CENPL: variants seen among roughly 807,000 people sequenced by gnomAD.
CENPL encodes the protein centromere protein L, also known as interphase centromere complex protein 33.
In CENPL, 20 loss-of-function variants were observed where a neutral mutation model predicts 35.2. The ratio of observed to expected loss-of-function variants is 0.57; its 90% confidence interval spans 0.40 to 0.83. The LOEUF (loss-of-function observed/expected upper bound fraction) is 0.83, where lower values mean the gene tolerates loss of function less well. Among genes scored for constraint, CENPL ranks in the 40% least tolerant of loss-of-function variants. CENPL has a pLI of 0.00. For missense variants in CENPL, 363 were observed against 395.8 expected, an observed-to-expected ratio of 0.92 and a Z score of 0.70; for synonymous variants, 140 against 140.6, an observed-to-expected ratio of 1.00 and a Z score of 0.03.
intron 2 of CENPL, chr1:173,822,250 A>G (rs1260563963): frequency 2.0e-5 from 3 of 152,142 alleles, no homozygotes; most frequent in Non-Finnish European, 4.4e-5. Context: ...CCATGGCCAA[A>G]TACTTTGTTC....
At chr1:173,817,832 G>T (rs1416104877) in intron 2 of CENPL, among the ~76,000 whole-genome samples, 1 of 152,104 alleles carries the variant, frequency 6.6e-6, no homozygotes, top group Non-Finnish European at 1.5e-5. Context: ...CCATAAAAAA[G>T]AATAAGTTCA....
At position 173,808,336 on chromosome 1, in the gene CENPL, G is replaced by T. The variant is rs543149791; in HGVS notation, c.169-818C>A. On this transcript the variant is annotated intron_variant, in intron 3 of 5. Transcript: ENST00000682279. ...GAGGCAGGAAAATTGCTTGAATCTG[G>T]AAGGCAGAGGTTGCAGTGAGCCGAG... Among the ~76,000 whole-genome samples the T allele has an allele frequency of 1.8e-3, 279 of 152,044 alleles. 3 individuals carry two copies. The highest frequency in any genetic ancestry group is 6.4e-3 in the African/African-American group (265 of 41,484).
intron 5 of CENPL, among the ~76,000 whole-genome samples, chr1:173,802,665 T>A (rs1397237494): frequency 6.6e-6 from 1 of 152,252 alleles, no homozygotes; most frequent in African/African-American, 2.4e-5. Context: ...TCTCTATTAC[T>A]CTGATAATTA....
chr1:173,816,471 G>C (rs968665366), intron 2 of CENPL, among the ~76,000 whole-genome samples: 13 of 152,128 alleles, frequency 8.5e-5, no homozygotes, highest in African/African-American at 2.7e-4. Flanking sequence ...GCATGGTACT[G>C]GTACCAAAAC....
At chr1:173,803,551 C>T in intron 4 of CENPL, 46 bp from the exon 5 acceptor site, 1 of 1,475,408 alleles carries the variant, frequency 6.8e-7, no homozygotes, top group Non-Finnish European at 9.1e-7. Context: ...AGTACATTTA[C>T]TTCTAAATTC....
Position 173,808,252 on chromosome 1 carries a change from A to C in CENPL, c.169-734T>G, listed in dbSNP as rs565529847. On this transcript the variant is annotated intron_variant, in intron 3 of 5. Transcript: ENST00000682279. The stretch of plus-strand genomic sequence containing the variant: ...AAAACCCCATCTCTACTAAAAATAC[A>C]AAAATAAATAAGCCAGGCATGGTGG... 4.6e-3 allele frequency among the ~76,000 whole-genome samples: 694 copies of C among 152,164 alleles called. 6 individuals are homozygous for C. The highest frequency in any genetic ancestry group is 0.014 in the African/African-American group (575 of 41,502).
chr1:173,809,319 G>A (rs573105909), intron 3 of CENPL, among the ~76,000 whole-genome samples: 1 of 151,894 alleles, frequency 6.6e-6, no homozygotes, highest in African/African-American at 2.4e-5. Flanking sequence ...CTCCAGCCTG[G>A]GTGATAGAGC....
chr1:173,802,855 T>G (rs1444454652), intron 5 of CENPL, 108 bp downstream of exon 5: 5 of 736,476 alleles, frequency 6.8e-6, no homozygotes, highest in Non-Finnish European at 8.9e-6. Context: ...TCTATTGTCT[T>G]GAATACATTC....
At chr1:173,805,992 A>G (rs1650190737) in intron 4 of CENPL, among the ~76,000 whole-genome samples, 1 of 152,216 alleles carries the variant, frequency 6.6e-6, no homozygotes, top group South Asian at 2.1e-4. Flanking sequence ...GCCAGTTAGT[A>G]AGCATTTCAG....
chr1:173,813,698 T>C (rs1651066368), intron 2 of CENPL, among the ~76,000 whole-genome samples: 1 of 151,932 alleles, frequency 6.6e-6, no homozygotes, highest in Non-Finnish European at 1.5e-5. Context: ...AAAGGAACAA[T>C]CAGTACCAGC....
intron 2 of CENPL, among the ~76,000 whole-genome samples, chr1:173,819,721 A>C (rs1651761789): frequency 6.6e-6 from 1 of 151,978 alleles, no homozygotes; most frequent in African/African-American, 2.4e-5. Flanking sequence ...ATGGAGTCTC[A>C]CTGTTGTTGG....
Position 173,807,428 on chromosome 1 carries a change from T to C in CENPL, c.259A>G (p.Asn87Asp), listed in dbSNP as rs1438873745. Residue 87 changes from asparagine to aspartate, a missense_variant, in exon 4 of 6, where the codon AAT becomes GAT. Coordinates refer to ENST00000682279, the MANE Select transcript of CENPL (RefSeq NM_001387287.1). ...AGAAGTCTAGAATACTCTTTGAGAT[T>C]ACTATAGGAGAATTTATATAAGGGA... ...LTPLYKFSYS[N>D]LKEYSRLLNA... 1.9e-6 allele frequency: 3 copies of C among 1,611,780 alleles called. No homozygotes were observed. Among genetic ancestry groups the C allele is most frequent in the Non-Finnish European group, 1.7e-6 (2 of 1,178,334 alleles).
chr1:173,820,421 C>A (rs887015027), intron 2 of CENPL, among the ~76,000 whole-genome samples: 3 of 151,808 alleles, frequency 2.0e-5, no homozygotes, highest in African/African-American at 4.8e-5. Context: ...GAGGCTGAGG[C>A]AGGAGGAGTG....
At chr1:173,803,568 C>A in intron 4 of CENPL, 63 bp from the exon 5 acceptor site, 1 of 1,425,720 alleles carries the variant, frequency 7.0e-7, no homozygotes, top group Non-Finnish European at 9.4e-7. Context: ...ATTCCATCTT[C>A]TCAAAATTAG....
At chr1:173,823,312 C>T (rs1291800273) in intron 2 of CENPL, 1 of 152,000 alleles carries the variant, frequency 6.6e-6, no homozygotes, top group Admixed American at 6.6e-5. Context: ...TCATTTTCTA[C>T]TACTTCAGTT....
intron 4 of CENPL, 117 bp from the exon 5 acceptor site, chr1:173,803,622 A>G: frequency 1.1e-6 from 1 of 914,800 alleles, no homozygotes. Context: ...TGCAAAAAAA[A>G]ACATAGAGGG....
At chr1:173,802,582 A>G (rs1460560888) in intron 5 of CENPL, among the ~76,000 whole-genome samples, 4 of 152,242 alleles carry the variant, frequency 2.6e-5, no homozygotes, top group Admixed American at 6.5e-5. Context: ...CCCAATGAGG[A>G]CAGAAAAGCC....
chr1:173,811,229 G>A lies in CENPL; in HGVS notation c.71C>T (p.Ala24Val), dbSNP rs1650790318. ...TTCTAATCGTTTCTGCAGAGGAGTG[G>A]CACCTATAAAGTAATCTTCAGGTCT... is the stretch of plus-strand genomic sequence containing the variant. ...SSRPEDYFIG[A>V]TPLQKRLESV... The change falls in exon 3 of 6, where the codon GCC (alanine) becomes GTC (valine). Residue 24 changes from alanine to valine, a missense_variant. By Grantham distance (64) the Ala-to-Val change is moderately conservative. Transcript: ENST00000682279. 2 of 1,613,260 alleles carry A rather than the reference G, an allele frequency of 1.2e-6. No homozygotes were observed. Among genetic ancestry groups the A allele is most frequent in the Non-Finnish European group, 1.7e-6 (2 of 1,179,246 alleles).
intron 2 of CENPL, among the ~76,000 whole-genome samples, chr1:173,812,124 C>T (rs964984069): frequency 2.6e-5 from 4 of 152,212 alleles, no homozygotes; most frequent in East Asian, 1.9e-4. Flanking sequence ...GAGGGGCGTC[C>T]GCCATTGCTG....
Sources: gnomAD v4.1 joint callset for allele counts (sites outside exome capture counted in the v4.1 genomes callset) on GRCh38, gnomAD v4.1.1 for gene constraint, MANE v1.5 for transcripts, NCBI Gene and HGNC (gene_info 2026-07-23, HGNC 2026-07-21) for gene names.